ASTN2: variants seen among roughly 807,000 people sequenced by gnomAD.
ASTN2 encodes the protein astrotactin 2.
A neutral mutation model predicts 139.8 loss-of-function variants in ASTN2; 54 were observed. That is an observed-to-expected ratio of 0.39 (90% CI 0.31 to 0.48). The LOEUF (loss-of-function observed/expected upper bound fraction) is 0.48. Ranked by LOEUF, ASTN2 falls within the 20% of genes least tolerant of loss-of-function variation. The probability of loss-of-function intolerance (pLI) is 0.95; values close to 1 mark genes in which losing one functional copy is unlikely to be tolerated. For missense variants in ASTN2, 1,565 were observed against 1,725.1 expected (o/e 0.91, Z 1.64); for synonymous variants, 756 against 719.5 (o/e 1.05, Z -0.81).
chr9:116,948,785 G>GTTTTTTTTTTTTTTGTTTTTT (rs1835472487), intron 10 of ASTN2, among the ~76,000 whole-genome samples: 1 of 49,472 alleles, frequency 2.0e-5, no homozygotes, highest in Non-Finnish European at 3.4e-5. Flanking sequence ...ATAATTTGGT[G>GTTTTTTTTTTTTTTGTTTTTT]TTTTTTTTTT....
chr9:116,758,626 GC>G (rs1436207924), intron 13 of ASTN2, among the ~76,000 whole-genome samples: 1 of 152,214 alleles, frequency 6.6e-6, no homozygotes, highest in East Asian at 1.9e-4. Context: ...TGCAAGCCAA[GC>G]TTAGTGCGTA....
chr9:116,497,682 C>T (rs1013445508), intron 19 of ASTN2, among the ~76,000 whole-genome samples: 2 of 151,988 alleles, frequency 1.3e-5, no homozygotes, highest in African/African-American at 2.4e-5. Flanking sequence ...GCGGGTATTG[C>T]TAACATGTGT....
chr9:116,979,154 G>T (rs147907702), intron 7 of ASTN2, among the ~76,000 whole-genome samples: 1 of 152,284 alleles, frequency 6.6e-6, no homozygotes, highest in African/African-American at 2.4e-5. Context: ...AGCACCCATT[G>T]ACAAATAGCC....
intron 3 of ASTN2, among the ~76,000 whole-genome samples, chr9:117,208,938 C>T (rs1832027896): frequency 6.6e-6 from 1 of 152,168 alleles, no homozygotes; most frequent in Admixed American, 6.5e-5. Flanking sequence ...TAATGGAATT[C>T]ATCAGCACTA....
intron 17 of ASTN2, among the ~76,000 whole-genome samples, chr9:116,621,387 T>C (rs1856138136): frequency 6.6e-6 from 1 of 151,510 alleles, no homozygotes; most frequent in Non-Finnish European, 1.5e-5. Context: ...TTAATTGGAA[T>C]GTGCTTCATA....
chr9:116,646,837 C>T (rs895688990), intron 17 of ASTN2, among the ~76,000 whole-genome samples: 5 of 152,152 alleles, frequency 3.3e-5, no homozygotes, highest in Non-Finnish European at 7.4e-5. Flanking sequence ...CCTGGCTTCC[C>T]CATTGCCCTG....
intron 4 of ASTN2, among the ~76,000 whole-genome samples, chr9:117,104,383 A>T (rs1027908468): frequency 1.3e-5 from 2 of 152,166 alleles, no homozygotes; most frequent in African/African-American, 4.8e-5. Context: ...TTGGGTAAAA[A>T]AATATGCAGA....
Position 116,651,543 on chromosome 9 carries a change from G to T in ASTN2, c.3057C>A (p.Asp1019Glu). Residue 1019 changes from aspartate to glutamate, a missense_variant, in exon 17 of 23, where the codon GAC becomes GAA. Physicochemically the swap from Asp to Glu is conservative, Grantham distance 45 (BLOSUM62 2). Transcript: ENST00000313400. ...GGGAGCTCACCTCCTTTGTGCCATT[G>T]TCTTGGATGAGGGTATAAAGTGGCA... ...RVVPLYTLIQ[D>E]NGTKEAFKSA... is the part of the protein sequence containing the mutation. 6.2e-7 allele frequency: 1 copy of T among 1,613,970 alleles called. No homozygotes were observed.
intron 3 of ASTN2, among the ~76,000 whole-genome samples, chr9:117,182,428 C>A (rs1831098054): frequency 6.6e-6 from 1 of 152,086 alleles, no homozygotes; most frequent in South Asian, 2.1e-4. Context: ...AGAGTGTTCT[C>A]ACACCAAGGA....
intron 1 of ASTN2, among the ~76,000 whole-genome samples, chr9:117,323,657 G>A (rs1311103040): frequency 6.6e-6 from 1 of 152,164 alleles, no homozygotes; most frequent in Non-Finnish European, 1.5e-5. Context: ...GAAACCTTCA[G>A]TATTATAACT....
At chr9:117,087,166 T>C (rs912540206) in intron 5 of ASTN2, among the ~76,000 whole-genome samples, 1 of 152,178 alleles carries the variant, frequency 6.6e-6, no homozygotes, top group African/African-American at 2.4e-5. Context: ...AAAATTCACA[T>C]TTTCAAGAAA....
intron 19 of ASTN2, among the ~76,000 whole-genome samples, chr9:116,494,815 C>A (rs1849620743): frequency 6.6e-6 from 1 of 152,188 alleles, no homozygotes; most frequent in Admixed American, 6.5e-5. Flanking sequence ...TCAGGACATT[C>A]AGCACCCAAA....
chr9:117,153,207 A>T (rs1285397520), intron 3 of ASTN2, among the ~76,000 whole-genome samples: 1 of 151,922 alleles, frequency 6.6e-6, no homozygotes, highest in East Asian at 1.9e-4. Flanking sequence ...CACCAAGAGG[A>T]AGGCTTGTCG....
At chr9:117,143,745 G>T (rs1366270124) in intron 3 of ASTN2, among the ~76,000 whole-genome samples, 1 of 151,790 alleles carries the variant, frequency 6.6e-6, no homozygotes, top group Non-Finnish European at 1.5e-5. Flanking sequence ...CTGGCTTACA[G>T]ATGGCCACCT....
intron 20 of ASTN2, among the ~76,000 whole-genome samples, chr9:116,447,512 C>T (rs1158949172): frequency 6.6e-6 from 1 of 152,002 alleles, no homozygotes; most frequent in African/African-American, 2.4e-5. Flanking sequence ...GTGAAATGAA[C>T]AGAAGATGAC....
intron 16 of ASTN2, 99 bp from the exon 17 acceptor site, chr9:116,651,892 A>G: frequency 7.1e-7 from 1 of 1,414,052 alleles, no homozygotes; most frequent in Non-Finnish European, 9.6e-7. Flanking sequence ...AGAAGCTGGT[A>G]TCCATTGAGG....
chr9:117,366,386 G>A (rs1421429281), intron 1 of ASTN2, among the ~76,000 whole-genome samples: 4 of 152,116 alleles, frequency 2.6e-5, no homozygotes, highest in Non-Finnish European at 5.9e-5. Context: ...AACCCTGTGT[G>A]GGAAGCAGAG....
chr9:116,487,437 C>G lies in ASTN2; in HGVS notation c.3419G>C (p.Gly1140Ala). 5 of 1,614,090 alleles carry G rather than the reference C, an allele frequency of 3.1e-6. No individual in the cohort carries two copies. Among genetic ancestry groups the G allele is most frequent in the Non-Finnish European group, 4.2e-6 (5 of 1,179,998 alleles). ...SGLGTSCVAA[G>A]RSHGEVPEVS... ...TTCAGGGACCTCTCCATGGCTTCGA[C>G]CAGCTGCTACACAAGATGTGCCCAG... The change falls in exon 20 of 23, where the codon GGT becomes GCT. Residue 1140 changes from glycine (G) to alanine (A), a missense_variant. Around this residue, in one of 4 missense-constraint regions of ASTN2, gnomAD observed 418 missense variants for 465.8 expected, o/e 0.90. Transcript: ENST00000313400.
intron 19 of ASTN2, among the ~76,000 whole-genome samples, chr9:116,617,658 A>C (rs150289654): frequency 6.6e-6 from 1 of 152,224 alleles, no homozygotes; most frequent in Admixed American, 6.5e-5. Flanking sequence ...CGTGCCTGGC[A>C]CACAAAAAAA....
Sources: gnomAD v4.1 joint callset for allele counts (sites outside exome capture counted in the v4.1 genomes callset) on GRCh38, gnomAD v4.1.1 for gene constraint, gnomAD v4.1.1 regional missense constraint, MANE v1.5 for transcripts, NCBI Gene and HGNC (gene_info 2026-07-23, HGNC 2026-07-21) for gene names.